GOLPH3: variants seen among roughly 807,000 people sequenced by gnomAD.
The protein encoded by GOLPH3 is golgi phosphoprotein 3.
GOLPH3 carries 14 observed loss-of-function variants against 28.5 expected under a neutral mutation model. The ratio of observed to expected loss-of-function variants is 0.49; its 90% confidence interval spans 0.32 to 0.77. GOLPH3 has a LOEUF of 0.77. Among genes scored for constraint, GOLPH3 ranks in the 30% least tolerant of loss-of-function variants. The pLI is 0.03. For synonymous variants in GOLPH3, 158 were observed against 159.2 expected, an observed-to-expected ratio of 0.99 and a Z score of 0.06; for missense variants, 350 against 393.7, an observed-to-expected ratio of 0.89 and a Z score of 0.94.
At chr5:32,169,717 C>A (rs1300950801) in intron 1 of GOLPH3, among the ~76,000 whole-genome samples, 6 of 152,136 alleles carry the variant, frequency 3.9e-5, no homozygotes, top group Non-Finnish European at 5.9e-5. Flanking sequence ...GGCACTTTTG[C>A]TGTCCCTCCC....
intron 1 of GOLPH3, among the ~76,000 whole-genome samples, chr5:32,152,087 A>C (rs914547120): frequency 1.3e-5 from 2 of 152,112 alleles, no homozygotes; most frequent in Non-Finnish European, 2.9e-5. Context: ...ACCACTTAAA[A>C]ATGTTTTAAA....
chr5:32,173,805 C>T lies in GOLPH3; in HGVS notation c.225+5G>A, dbSNP rs1746908959. The T allele has an allele frequency of 1.4e-6, 2 of 1,419,576 alleles. No homozygotes were observed. Among genetic ancestry groups the T allele is most frequent in the South Asian group, 1.6e-5 (1 of 63,124 alleles). The allele number at this position is 1,419,576 out of a possible 1,614,324, so 87.9% of individuals were successfully genotyped here. A position where few individuals can be genotyped will look rare whatever the true frequency, so the allele number is the denominator to read the frequency against. ...CGCCCCCCGCCCAGCCCGCCGCGCC[C>T]GCACCTCGCGGTCCTTGAGGCCCAG... On this transcript the variant is annotated splice_donor_5th_base_variant and intron_variant, in intron 1 of 3. Coordinates refer to ENST00000265070, the MANE Select transcript of GOLPH3 (RefSeq NM_022130.4).
At chr5:32,155,571 A>G (rs1746400801) in intron 1 of GOLPH3, among the ~76,000 whole-genome samples, 1 of 152,124 alleles carries the variant, frequency 6.6e-6, no homozygotes, top group African/African-American at 2.4e-5. Flanking sequence ...AAGCATTTCA[A>G]ATGACTAAAG....
At chr5:32,142,173 G>T (rs1269834654) in intron 2 of GOLPH3, among the ~76,000 whole-genome samples, 8 of 150,516 alleles carry the variant, frequency 5.3e-5, no homozygotes, top group Admixed American at 1.3e-4. Context: ...GCCTCTTCCC[G>T]GCCGCCATCA....
intron 1 of GOLPH3, among the ~76,000 whole-genome samples, chr5:32,152,895 C>T (rs1312140438): frequency 2.6e-5 from 4 of 151,812 alleles, no homozygotes; most frequent in African/African-American, 9.7e-5. Flanking sequence ...CAAAATGACA[C>T]CACTTTTACT....
chr5:32,126,855 C>G (rs161536), intron 3 of GOLPH3, among the ~76,000 whole-genome samples: 1 of 152,130 alleles, frequency 6.6e-6, no homozygotes, highest in Non-Finnish European at 1.5e-5. Context: ...GTCACTCAGA[C>G]GACTAAACTG....
At chr5:32,165,077 T>C (rs2111893560) in intron 1 of GOLPH3, among the ~76,000 whole-genome samples, 1 of 151,952 alleles carries the variant, frequency 6.6e-6, no homozygotes, top group East Asian at 1.9e-4. Flanking sequence ...TTTTTGTATT[T>C]TTAGTAGAGA....
intron 1 of GOLPH3, among the ~76,000 whole-genome samples, chr5:32,146,915 CA>C (rs534342230): frequency 2.0e-4 from 29 of 142,928 alleles, no homozygotes; most frequent in Non-Finnish European, 2.3e-4. Context: ...CTAAAGAAAA[CA>C]AAAAAAAAAA....
chr5:32,138,059 G>A (rs538623897), intron 2 of GOLPH3, among the ~76,000 whole-genome samples: 47 of 151,770 alleles, frequency 3.1e-4, no homozygotes, highest in Admixed American at 4.6e-4. Flanking sequence ...GCACACCACC[G>A]CATCCGGGTA....
intron 1 of GOLPH3, among the ~76,000 whole-genome samples, chr5:32,171,673 C>T (rs916098431): frequency 6.6e-6 from 1 of 151,746 alleles, no homozygotes; most frequent in Non-Finnish European, 1.5e-5. Context: ...TATGGCCGGG[C>T]GTGGTGGCTC....
In GOLPH3 at chr5:32,173,993, C is replaced by T; in HGVS notation, c.42G>A (p.Arg14=). 7.4e-7 allele frequency: 1 copy of T among 1,346,098 alleles called. No homozygotes were observed. The highest frequency in any genetic ancestry group is 9.4e-7 in the Non-Finnish European group (1 of 1,058,922). The allele number at this position is 1,346,098 out of a possible 1,614,324, so 83.4% of individuals were successfully genotyped here. ...LTQRSSGLVQ[R]RTEASRNAAD... ...CGGCGTTGCGGGAGGCCTCGGTGCG[C>T]CGCTGCACCAGGCCGGAGCTGCGCT... Residue 14 remains arginine (R), a synonymous_variant, in exon 1 of 4, where the codon CGG becomes CGA. Transcript: ENST00000265070.
At chr5:32,172,153 G>A (rs1746850469) in intron 1 of GOLPH3, among the ~76,000 whole-genome samples, 1 of 152,106 alleles carries the variant, frequency 6.6e-6, no homozygotes, top group Non-Finnish European at 1.5e-5. Context: ...TTCACAGCCA[G>A]AGGAACATCA....
intron 1 of GOLPH3, among the ~76,000 whole-genome samples, chr5:32,148,221 C>G (rs939591906): frequency 6.6e-6 from 1 of 152,210 alleles, no homozygotes; most frequent in African/African-American, 2.4e-5. Flanking sequence ...CAGAAACGTC[C>G]GTTTCTATAT....
intron 2 of GOLPH3, among the ~76,000 whole-genome samples, chr5:32,140,015 T>C (rs1181430468): frequency 6.6e-6 from 1 of 152,144 alleles, no homozygotes; most frequent in Non-Finnish European, 1.5e-5. Flanking sequence ...TACAGAGTTC[T>C]AGAAAAAGAG....
At chr5:32,157,139 G>A (rs1008360123) in intron 1 of GOLPH3, among the ~76,000 whole-genome samples, 1 of 152,092 alleles carries the variant, frequency 6.6e-6, no homozygotes, top group African/African-American at 2.4e-5. Flanking sequence ...TCAAAACCAG[G>A]GATCTTATCT....
chr5:32,142,584 T>C (rs377308407), intron 2 of GOLPH3, among the ~76,000 whole-genome samples: 565 of 100,284 alleles, frequency 5.6e-3, no homozygotes, highest in East Asian at 0.027. Context: ...CCAGCCGCCC[T>C]GTCCGGGAGG....
intron 1 of GOLPH3, among the ~76,000 whole-genome samples, chr5:32,154,967 C>G (rs1746386247): frequency 6.6e-6 from 1 of 152,090 alleles, no homozygotes; most frequent in Non-Finnish European, 1.5e-5. Context: ...CCTGTAATCC[C>G]AGCTACTTGG....
intron 1 of GOLPH3, among the ~76,000 whole-genome samples, chr5:32,149,473 C>T (rs1206882213): frequency 2.0e-5 from 3 of 152,110 alleles, no homozygotes; most frequent in Non-Finnish European, 2.9e-5. Context: ...TTGAATTGTA[C>T]ACTTCAAATG....
chr5:32,132,569 C>T (rs533849253), intron 3 of GOLPH3, among the ~76,000 whole-genome samples: 1 of 152,208 alleles, frequency 6.6e-6, no homozygotes, highest in African/African-American at 2.4e-5. Context: ...AACTGTTCCC[C>T]AAATGGATTT....
Sources: gnomAD v4.1 joint callset for allele counts (sites outside exome capture counted in the v4.1 genomes callset) on GRCh38, gnomAD v4.1.1 for gene constraint, MANE v1.5 for transcripts, NCBI Gene and HGNC (gene_info 2026-07-23, HGNC 2026-07-21) for gene names.